The following FANCM variants were observed in gnomAD, a reference collection of about 807,000 sequenced individuals.
The protein encoded by FANCM is FA complementation group M.
A neutral mutation model predicts 199.5 loss-of-function variants in FANCM; 140 were observed. The observed-to-expected ratio is 0.70, with a 90% CI of 0.61 to 0.81. FANCM has a LOEUF of 0.81. Among genes scored for constraint, FANCM ranks in the 30% least tolerant of loss-of-function variants. The pLI is 0.00. For missense variants in FANCM, 2,410 were observed against 2,421.4 expected (o/e 1.00, Z 0.10); for synonymous variants, 840 against 836.8 (o/e 1.00, Z -0.07).
At position 45,200,138 on chromosome 14, in the gene FANCM, T is replaced by A; in HGVS notation, c.*130T>A. ...TTAAATATTTTATATTGTATACATT[T>A]TTATTTATAGATTATAGAAATTATT... On this transcript the variant is annotated 3_prime_UTR_variant, in exon 23 of 23. Coordinates refer to ENST00000267430, the MANE Select transcript of FANCM (RefSeq NM_020937.4). The A allele has an allele frequency of 3.0e-6, 1 of 335,650 alleles. No individual in the cohort carries two copies. Among genetic ancestry groups the A allele is most frequent in the Non-Finnish European group, 4.9e-6 (1 of 206,142 alleles). 20.8% of individuals were successfully genotyped at this position (335,650 alleles called of 1,614,324 possible).
chr14:45,187,083 A>T (rs888902883), intron 18 of FANCM, among the ~76,000 whole-genome samples: 1 of 152,178 alleles, frequency 6.6e-6, no homozygotes, highest in Admixed American at 6.5e-5. Flanking sequence ...GGCTTGAGCA[A>T]CAAGAAGGAC....
intron 12 of FANCM, among the ~76,000 whole-genome samples, chr14:45,171,692 TGTG>T (rs1390484766): frequency 4.0e-3 from 9 of 2,238 alleles, no homozygotes; most frequent in African/African-American, 1.1e-3. Context: ...TAGTCCATGT[TGTG>T]TGTGTGTGTG....
intron 3 of FANCM, among the ~76,000 whole-genome samples, chr14:45,143,193 A>T (rs1423868820): frequency 2.7e-5 from 4 of 147,922 alleles, no homozygotes; most frequent in South Asian, 2.1e-4. Flanking sequence ...TTTTTTAAAC[A>T]GGGTCTCACT....
At chr14:45,149,728 C>T (rs1886685707) in intron 4 of FANCM, among the ~76,000 whole-genome samples, 1 of 152,132 alleles carries the variant, frequency 6.6e-6, no homozygotes, top group African/African-American at 2.4e-5. Flanking sequence ...GATCTTTATG[C>T]AGCAGTGCTT....
chr14:45,179,017 G>A (rs563054287), intron 14 of FANCM, among the ~76,000 whole-genome samples: 8 of 152,036 alleles, frequency 5.3e-5, no homozygotes, highest in Non-Finnish European at 8.8e-5. Context: ...TGGCCAACAT[G>A]ATGAAACCCC....
intron 20 of FANCM, chr14:45,195,663 G>A (rs1017429762): frequency 7.4e-6 from 3 of 407,040 alleles, no homozygotes; most frequent in Non-Finnish European, 1.5e-5. Flanking sequence ...TTACTTTCTG[G>A]TCAGACCAGT....
At chr14:45,138,957 G>A (rs1407284798) in intron 2 of FANCM, among the ~76,000 whole-genome samples, 1 of 152,130 alleles carries the variant, frequency 6.6e-6, no homozygotes, top group Non-Finnish European at 1.5e-5. Context: ...GTTCTGGAAG[G>A]CATATTGATA....
intron 3 of FANCM, among the ~76,000 whole-genome samples, chr14:45,141,888 C>T (rs1369153378): frequency 6.6e-6 from 1 of 150,812 alleles, no homozygotes; most frequent in African/African-American, 2.5e-5. Context: ...TATGCCCAGC[C>T]CAGGAGTTTC....
chr14:45,148,803 T>C, intron 3 of FANCM, 34 bp from the exon 4 acceptor site: 2 of 1,505,902 alleles, frequency 1.3e-6, no homozygotes, highest in Non-Finnish European at 1.8e-6. Flanking sequence ...TTTTAACATG[T>C]AGTTTATAAT....
intron 16 of FANCM, among the ~76,000 whole-genome samples, chr14:45,182,854 G>A (rs1442184911): frequency 6.6e-6 from 1 of 152,032 alleles, no homozygotes; most frequent in South Asian, 2.1e-4. Flanking sequence ...TACCTTAAAC[G>A]TGTTCAAAAC....
rs138818279 is a variant in FANCM at position 45,179,935 on chromosome 14, T to C, written c.4223-1495T>C. ...ACATTAAAGGATTTAAGATTTTTCC[T>C]ACTTTTCTTTAAGCCCTCACCCACC... On this transcript the variant is annotated intron_variant, in intron 14 of 22. Coordinates refer to ENST00000267430, the MANE Select transcript of FANCM (RefSeq NM_020937.4). 6.4e-3 allele frequency among the ~76,000 whole-genome samples: 981 copies of C among 152,284 alleles called. 7 individuals are homozygous for C. The highest frequency in any genetic ancestry group is 0.022 in the African/African-American group (934 of 41,544).
chr14:45,161,383 C>T (rs1369464961), intron 9 of FANCM, among the ~76,000 whole-genome samples: 1 of 152,076 alleles, frequency 6.6e-6, no homozygotes, highest in African/African-American at 2.4e-5. Context: ...CTTTAGGGCC[C>T]TATATGTCAT....
At chr14:45,154,297 A>G (rs1887030187) in intron 6 of FANCM, among the ~76,000 whole-genome samples, 1 of 151,672 alleles carries the variant, frequency 6.6e-6, no homozygotes, top group South Asian at 2.1e-4. Flanking sequence ...GCTACTCAGG[A>G]GACTGAGGCG....
At chr14:45,191,706 T>G (rs1278092453) in intron 20 of FANCM, among the ~76,000 whole-genome samples, 2 of 152,326 alleles carry the variant, frequency 1.3e-5, no homozygotes, top group East Asian at 3.9e-4. Context: ...TTCTTATTAC[T>G]TGAAATTAGG....
chr14:45,152,076 C>T (rs1886863918), intron 5 of FANCM, among the ~76,000 whole-genome samples: 3 of 150,870 alleles, frequency 2.0e-5, no homozygotes, highest in East Asian at 3.9e-4. Flanking sequence ...TTGCCCAAGC[C>T]GGTGTGCAGT....
At chr14:45,151,655 T>A in intron 5 of FANCM, 127 bp downstream of exon 5, 1 of 843,588 alleles carries the variant, frequency 1.2e-6, no homozygotes, top group Non-Finnish European at 1.9e-6. Context: ...CCGAACACAG[T>A]GGCTGATGCC....
intron 9 of FANCM, among the ~76,000 whole-genome samples, chr14:45,160,055 C>T (rs1447993552): frequency 2.1e-5 from 3 of 142,166 alleles, no homozygotes; most frequent in Non-Finnish European, 4.5e-5. Context: ...GGCTGGAGTG[C>T]AGTGGTGTGA....
intron 7 of FANCM, 39 bp downstream of exon 7, chr14:45,154,861 T>C: frequency 6.3e-7 from 1 of 1,578,198 alleles, no homozygotes; most frequent in Non-Finnish European, 8.7e-7. Flanking sequence ...TGTGTTGTGT[T>C]TCTTAATCAC....
chr14:45,184,860 A>G (rs1889293944), intron 17 of FANCM, among the ~76,000 whole-genome samples: 2 of 146,938 alleles, frequency 1.4e-5, no homozygotes, highest in Non-Finnish European at 3.0e-5. Flanking sequence ...TGCAACCTTC[A>G]CCTCCCAGGT....
Sources: allele counts gnomAD v4.1 joint callset (sites outside exome capture counted in the v4.1 genomes callset), GRCh38; gene constraint gnomAD v4.1.1; transcripts MANE v1.5; gene names NCBI Gene and HGNC (gene_info 2026-07-23, HGNC 2026-07-21).